Variants in CHST15 observed in about 807,000 individuals in gnomAD.
The protein encoded by CHST15 is carbohydrate sulfotransferase 15.
In CHST15, 30 loss-of-function variants were observed where a neutral mutation model predicts 53.6. The ratio of observed to expected loss-of-function variants is 0.56; its 90% CI spans 0.42 to 0.76. The LOEUF is 0.76. Among genes scored for constraint, CHST15 ranks in the 30% least tolerant of loss-of-function variants. The pLI, the probability that CHST15 is intolerant of heterozygous loss-of-function variation, is 0.00. For missense variants in CHST15, 627 were observed against 740.5 expected, an observed-to-expected ratio of 0.85 and a Z score of 1.78; for synonymous variants, 296 against 289.8, an observed-to-expected ratio of 1.02 and a Z score of -0.22.
rs1198016673 is a variant in CHST15, at chr10:124,044,671, C to G, written c.795G>C (p.Gly265=). 1.2e-6 allele frequency: 2 copies of G among 1,613,392 alleles called. No homozygotes were observed. The highest frequency in any genetic ancestry group is 1.7e-6 in the Non-Finnish European group (2 of 1,179,688). ...HFYIIGQPKC[G]TTDLYDRLRL... ...GCAGGCGGTCATAGAGGTCTGTGGTCCCGCACTTGGGCTGCCCTATGATGT... is the reference window on the plus strand; with the variant it reads ...GCAGGCGGTCATAGAGGTCTGTGGTGCCGCACTTGGGCTGCCCTATGATGT... Residue 265 remains glycine (G), a synonymous_variant, in exon 3 of 8, where the codon GGG becomes GGC. Transcript: ENST00000435907.
At chr10:124,029,440 T>C (rs557664259) in intron 5 of CHST15, among the ~76,000 whole-genome samples, 1 of 152,328 alleles carries the variant, frequency 6.6e-6, no homozygotes, top group Non-Finnish European at 1.5e-5. Flanking sequence ...GCCATTCTAT[T>C]TCCTACCAGG....
intron 5 of CHST15, among the ~76,000 whole-genome samples, chr10:124,025,609 C>G (rs1946971058): frequency 6.6e-6 from 1 of 152,186 alleles, no homozygotes; most frequent in Non-Finnish European, 1.5e-5. Flanking sequence ...GGATAGTGGA[C>G]ACCAAAGAAT....
At chr10:124,029,210 C>T (rs75911310) in intron 5 of CHST15, among the ~76,000 whole-genome samples, 6,182 of 152,230 alleles carry the variant, frequency 0.041, 254 homozygotes, top group East Asian at 0.22. Flanking sequence ...GTAGCTGAGA[C>T]GGAGCCCTTT....
chr10:124,072,242 G>A (rs1305195794), intron 1 of CHST15, among the ~76,000 whole-genome samples: 9 of 152,190 alleles, frequency 5.9e-5, no homozygotes, highest in Non-Finnish European at 1.3e-4. Flanking sequence ...AAATTTGACA[G>A]AGCCAGGGCA....
In CHST15 at chr10:124,076,619, C is replaced by T. The variant is rs759248861; in HGVS notation, c.-513+16850G>A. Among the ~76,000 whole-genome samples, 164 of 152,332 alleles carry T rather than the reference C, an allele frequency of 1.1e-3. 2 individuals carry two copies. Among genetic ancestry groups the T allele is most frequent in the Admixed American group, 1.8e-3 (27 of 15,306 alleles). ...AAGATCCCAGAGCCAACTCCAAGGG[C>T]GTGGACCCATGGTCAATCACACAGG... On this transcript the variant is annotated intron_variant, in intron 1 of 7. Transcript: ENST00000435907.
intron 6 of CHST15, among the ~76,000 whole-genome samples, chr10:124,013,703 A>G (rs1014205249): frequency 2.6e-5 from 4 of 152,122 alleles, no homozygotes; most frequent in Admixed American, 6.5e-5. Flanking sequence ...AGTTCACCCT[A>G]AACTCTTAGC....
intron 1 of CHST15, among the ~76,000 whole-genome samples, chr10:124,066,913 C>T (rs377614520): frequency 1.6e-4 from 25 of 152,368 alleles, no homozygotes; most frequent in Non-Finnish European, 3.5e-4. Context: ...ATGCCTTGGG[C>T]TTAGCCTCCT....
At position 124,008,564 on chromosome 10, in the gene CHST15, C is replaced by A; in HGVS notation, c.*1585G>T. The A allele has an allele frequency of 1.0e-6, 1 of 1,000,476 alleles. No individual in the cohort carries two copies. The highest frequency in any genetic ancestry group is 1.2e-6 in the Non-Finnish European group (1 of 838,196). 62.0% of individuals were successfully genotyped at this position (1,000,476 alleles called of 1,614,324 possible). A position where few individuals can be genotyped will look rare whatever the true frequency, so the allele number is the denominator to read the frequency against. The stretch of plus-strand genomic sequence containing the variant: ...CCCTGGCCATCCTGGCGCTCAGAGC[C>A]CTCTGCACACCTTCGAACGGGCTGT... On this transcript the variant is annotated 3_prime_UTR_variant, in exon 8 of 8. Coordinates refer to ENST00000435907, the MANE Select transcript of CHST15 (RefSeq NM_001270764.2).
chr10:124,057,658 C>T (rs1049475145), intron 1 of CHST15, among the ~76,000 whole-genome samples: 17 of 152,186 alleles, frequency 1.1e-4, no homozygotes, highest in Admixed American at 5.2e-4. Context: ...TGAAGCCCAC[C>T]CAGCCCCAGA....
At chr10:124,028,432 G>C (rs1031819131) in intron 5 of CHST15, among the ~76,000 whole-genome samples, 1 of 152,170 alleles carries the variant, frequency 6.6e-6, no homozygotes, top group Non-Finnish European at 1.5e-5. Flanking sequence ...TCCTCCTTTT[G>C]TATTTTTGTT....
Position 124,038,565 on chromosome 10 carries a change from G to T in CHST15, c.1140C>A (p.Ala380=). The T allele has an allele frequency of 6.2e-7, 1 of 1,614,252 alleles. No homozygotes were observed. Residue 380 remains alanine (A), a synonymous_variant, in exon 5 of 8, where the codon GCC becomes GCA. Transcript: ENST00000435907. The part of the protein sequence containing the change: ...PPFLTQDFIH[A]FQPNARLIVM... ...CAATCAGTCTGGCATTTGGCTGAAA[G>T]GCGTGGATGAAGTCCTGCGTCAGAA...
At chr10:124,013,617 GGA>G (rs1946488193) in intron 6 of CHST15, among the ~76,000 whole-genome samples, 1 of 152,214 alleles carries the variant, frequency 6.6e-6, no homozygotes, top group Admixed American at 6.5e-5. Flanking sequence ...AAGGTGGGTT[GGA>G]GAATATCTCT....
chr10:124,059,290 C>G (rs532362246), intron 1 of CHST15, among the ~76,000 whole-genome samples: 4 of 152,158 alleles, frequency 2.6e-5, no homozygotes, highest in Non-Finnish European at 5.9e-5. Context: ...AACATCAAAC[C>G]TCAATTACCA....
At chr10:124,020,855 A>C in intron 6 of CHST15, 3 of 1,248,252 alleles carry the variant, frequency 2.4e-6, no homozygotes, top group Non-Finnish European at 3.0e-6. Context: ...GAAGCATTGA[A>C]AATCATTGAT....
At chr10:124,038,842 G>GC (rs903550838) in intron 4 of CHST15, among the ~76,000 whole-genome samples, 171 bp from the exon 5 acceptor site, 15 of 151,180 alleles carry the variant, frequency 9.9e-5, no homozygotes, top group Admixed American at 3.3e-4. Context: ...AAGGTTGGAT[G>GC]CCCCCCCCTG....
rs35067976 is a variant in CHST15 at position 124,046,707 on chromosome 10, T to TA, written c.-496dup. ...TTTCCTCTTTGTGGGGCGCAAACTT[T>TA]AAAAAATGCCAGATTTCCTACACAG... On this transcript the variant is annotated 5_prime_UTR_variant, in exon 2 of 8. Transcript: ENST00000435907. The TA allele has an allele frequency of 6.5e-6, 1 of 152,886 alleles. No homozygotes were observed. Among genetic ancestry groups the TA allele is most frequent in the Non-Finnish European group, 1.5e-5 (1 of 68,576 alleles). The allele number at this position is 152,886 out of a possible 1,614,324, so 9.5% of individuals were successfully genotyped here.
intron 1 of CHST15, among the ~76,000 whole-genome samples, chr10:124,080,524 T>C (rs1375239151): frequency 6.6e-6 from 1 of 152,202 alleles, no homozygotes; most frequent in Non-Finnish European, 1.5e-5. Context: ...TGGGACCCTG[T>C]GTGTCTAACT....
chr10:124,061,668 T>C lies in CHST15; in HGVS notation c.-512-14944A>G, dbSNP rs140262777. 1.8e-3 allele frequency among the ~76,000 whole-genome samples: 276 copies of C among 152,286 alleles called. 2 individuals carry two copies. Among genetic ancestry groups the C allele is most frequent in the Middle Eastern group, 6.8e-3 (2 of 294 alleles). The stretch of plus-strand genomic sequence containing the variant: ...AGCATCACTTTTGTAACTACAAAGA[T>C]AATAAAGAAAAAATAATAAATGTTG... On this transcript the variant is annotated intron_variant, in intron 1 of 7. Transcript: ENST00000435907.
At position 124,046,018 on chromosome 10, in the gene CHST15, G is replaced by A. The variant is rs760255628; in HGVS notation, c.195C>T (p.Asn65=). ...AGCGCAAAAACCCACCCCAGTTTTC[G>A]TTCCCTTCAGTCCTCACTTCGAGAA... ...LAVLEVRTEG[N]ENWGGFLRFK... is the part of the protein sequence containing the mutation. Residue 65 remains asparagine (N), a synonymous_variant, in exon 2 of 8, where the codon AAC becomes AAT. Coordinates refer to ENST00000435907, the MANE Select transcript of CHST15 (RefSeq NM_001270764.2). The A allele has an allele frequency of 2.0e-5, 32 of 1,614,020 alleles. No individual in the cohort carries two copies. The highest frequency in any genetic ancestry group is 6.7e-5 in the Admixed American group (4 of 60,002).
Sources: gnomAD v4.1 joint callset for allele counts (sites outside exome capture counted in the v4.1 genomes callset) on GRCh38, gnomAD v4.1.1 for gene constraint, MANE v1.5 for transcripts, NCBI Gene and HGNC (gene_info 2026-07-23, HGNC 2026-07-21) for gene names.